The following NTNG1 variants were observed in gnomAD, a reference collection of about 807,000 sequenced individuals.
The protein encoded by NTNG1 is netrin-G1.
NTNG1 carries 16 observed loss-of-function variants against 54.0 expected under a neutral mutation model. That is an observed-to-expected ratio of 0.30 (90% CI 0.20 to 0.45). The LOEUF (loss-of-function observed/expected upper bound fraction) is 0.45, where lower values mean the gene tolerates loss of function less well. Ranked by LOEUF, NTNG1 falls within the 20% of genes least tolerant of loss-of-function variation. The pLI is 1.00. For synonymous variants in NTNG1, 255 were observed against 263.1 expected (o/e 0.97, Z 0.30); for missense variants, 530 against 678.7 (o/e 0.78, Z 2.43).
chr1:107,203,511 A>G lies in NTNG1; in HGVS notation c.246+54672A>G, dbSNP rs1035011375. Among the ~76,000 whole-genome samples the G allele has an allele frequency of 6.6e-5, 10 of 151,434 alleles. No homozygotes were observed. In the South Asian group the frequency reaches 1.7e-3, roughly 25 times the overall value. On this transcript the variant is annotated intron_variant, in intron 2 of 7. Transcript: ENST00000370068. ...AGCAGTTATTCTTTCTGGGAAGTTTATATATATGAATATATAGTTATATGT... is the reference window on the plus strand; with the variant it reads ...AGCAGTTATTCTTTCTGGGAAGTTTGTATATATGAATATATAGTTATATGT...
intron 3 of NTNG1, among the ~76,000 whole-genome samples, chr1:107,348,435 T>C (rs1159420018): frequency 1.3e-5 from 2 of 152,152 alleles, no homozygotes; most frequent in Non-Finnish European, 2.9e-5. Flanking sequence ...CCTGGTACTC[T>C]TCTTAATCAC....
intron 7 of NTNG1, among the ~76,000 whole-genome samples, chr1:107,461,651 A>G (rs1041831876): frequency 2.7e-5 from 4 of 150,448 alleles, no homozygotes; most frequent in African/African-American, 9.8e-5. Context: ...CCCCTGCCTC[A>G]GCCTCCTGAG....
Position 107,292,095 on chromosome 1 carries a change from A to G in NTNG1, c.247-32187A>G, listed in dbSNP as rs2101767742. On this transcript the variant is annotated intron_variant, in intron 2 of 7. Coordinates refer to ENST00000370068, the MANE Select transcript of NTNG1 (RefSeq NM_001113226.3). The stretch of plus-strand genomic sequence containing the variant: ...ACTGTTCCACTACATTAGTTCTTAA[A>G]ATGCAGATAAAAACAAGATGCTTCC... Among the ~76,000 whole-genome samples, 4 of 152,302 alleles carry G rather than the reference A, an allele frequency of 2.6e-5. No homozygotes were observed. The South Asian group carries it at 8.3e-4, about 32-fold the overall frequency.
intron 1 of NTNG1, among the ~76,000 whole-genome samples, chr1:107,141,925 C>T (rs1042842064): frequency 2.0e-5 from 3 of 152,180 alleles, no homozygotes; most frequent in Non-Finnish European, 4.4e-5. Context: ...CTATTGCCGG[C>T]CTTGGGGATC....
chr1:107,326,810 T>C (rs1205724122), intron 3 of NTNG1, among the ~76,000 whole-genome samples: 1 of 152,168 alleles, frequency 6.6e-6, no homozygotes, highest in Non-Finnish European at 1.5e-5. Flanking sequence ...TGCTGATGCT[T>C]ATTTTTGTTA....
At chr1:107,281,448 G>A (rs901957542) in intron 2 of NTNG1, among the ~76,000 whole-genome samples, 1 of 151,934 alleles carries the variant, frequency 6.6e-6, no homozygotes, top group Non-Finnish European at 1.5e-5. Context: ...AAAACTTGAT[G>A]GTTATGTTCA....
intron 2 of NTNG1, among the ~76,000 whole-genome samples, chr1:107,159,611 G>A (rs913687566): frequency 9.9e-5 from 15 of 152,078 alleles, no homozygotes; most frequent in South Asian, 4.1e-4. Flanking sequence ...TGACATCTAC[G>A]TTCCACTCTT....
intron 2 of NTNG1, among the ~76,000 whole-genome samples, chr1:107,319,627 C>G (rs759688365): frequency 5.9e-5 from 9 of 152,062 alleles, no homozygotes; most frequent in Non-Finnish European, 8.8e-5. Context: ...GGGTGCAGGA[C>G]ATCTCTGTGT....
chr1:107,355,246 G>T (rs756967485), intron 3 of NTNG1, among the ~76,000 whole-genome samples: 2 of 150,324 alleles, frequency 1.3e-5, no homozygotes, highest in Non-Finnish European at 3.0e-5. Flanking sequence ...AGTCTTTACA[G>T]GTCTAGTCTT....
At chr1:107,416,558 G>GA (rs1487331313) in intron 5 of NTNG1, among the ~76,000 whole-genome samples, 1 of 151,528 alleles carries the variant, frequency 6.6e-6, no homozygotes, top group Non-Finnish European at 1.5e-5. Context: ...CACCCTGTGG[G>GA]AAAAAAATCA....
intron 3 of NTNG1, among the ~76,000 whole-genome samples, chr1:107,343,681 CA>C (rs1669055919): frequency 6.6e-6 from 1 of 152,042 alleles, no homozygotes; most frequent in African/African-American, 2.4e-5. Context: ...TGAGGGCCAC[CA>C]AAAAGAGCCA....
intron 2 of NTNG1, among the ~76,000 whole-genome samples, chr1:107,266,140 A>G (rs1663721816): frequency 6.6e-6 from 1 of 152,084 alleles, no homozygotes; most frequent in Admixed American, 6.6e-5. Flanking sequence ...TCTCCTATCA[A>G]TGTCTAATAT....
intron 7 of NTNG1, among the ~76,000 whole-genome samples, chr1:107,474,913 C>T (rs141736248): frequency 1.6e-4 from 25 of 152,278 alleles, no homozygotes; most frequent in Admixed American, 9.8e-4. Context: ...AGAGAACACA[C>T]GTTCTGTACA....
intron 7 of NTNG1, among the ~76,000 whole-genome samples, chr1:107,456,948 T>C (rs12121803): frequency 0.091 from 13,825 of 152,310 alleles, 859 homozygotes; most frequent in Non-Finnish European, 0.14. Flanking sequence ...AATATACTGA[T>C]GAATTAATAA....
chr1:107,309,156 A>G (rs1666859687), intron 2 of NTNG1, among the ~76,000 whole-genome samples: 1 of 152,002 alleles, frequency 6.6e-6, no homozygotes, highest in South Asian at 2.1e-4. Flanking sequence ...CTTTCATTTT[A>G]TACTGCACTG....
intron 2 of NTNG1, among the ~76,000 whole-genome samples, chr1:107,246,408 C>CAAAA (rs61237534): frequency 3.3e-4 from 46 of 138,600 alleles, no homozygotes; most frequent in African/African-American, 1.2e-3. Context: ...CTTGTTTAAG[C>CAAAA]AAAAAAAAAA....
At chr1:107,423,319 T>C (rs985172106) in intron 5 of NTNG1, among the ~76,000 whole-genome samples, 1 of 152,088 alleles carries the variant, frequency 6.6e-6, no homozygotes, top group Non-Finnish European at 1.5e-5. Flanking sequence ...GAGAAATTTT[T>C]GTTTGTCACA....
intron 7 of NTNG1, among the ~76,000 whole-genome samples, chr1:107,443,135 T>G (rs1165204744): frequency 6.6e-6 from 1 of 152,080 alleles, no homozygotes; most frequent in African/African-American, 2.4e-5. Context: ...CAGACCACAC[T>G]CATGCAGCAG....
intron 2 of NTNG1, among the ~76,000 whole-genome samples, chr1:107,195,552 C>T (rs1413343205): frequency 6.6e-6 from 1 of 151,774 alleles, no homozygotes; most frequent in African/African-American, 2.4e-5. Context: ...CCCACAAGGC[C>T]CTACATAATT....
Sources: allele counts gnomAD v4.1 joint callset (sites outside exome capture counted in the v4.1 genomes callset), GRCh38; gene constraint gnomAD v4.1.1; transcripts MANE v1.5; gene names NCBI Gene and HGNC (gene_info 2026-07-23, HGNC 2026-07-21).